Variants in ROBO2 observed in about 807,000 individuals in gnomAD.
The protein encoded by ROBO2 is roundabout guidance receptor 2, also known as roundabout homolog 2.
A neutral mutation model predicts 160.8 loss-of-function variants in ROBO2; 53 were observed. That is an observed-to-expected ratio of 0.33 (90% CI 0.26 to 0.41). The LOEUF is 0.41. Ranked by LOEUF, ROBO2 falls within the 10% of genes least tolerant of loss-of-function variation. The pLI, the probability that ROBO2 is intolerant of heterozygous loss-of-function variation, is 1.00. For synonymous variants in ROBO2, 664 were observed against 611.7 expected (o/e 1.09, Z -1.26); for missense variants, 1,577 against 1,722.4 (o/e 0.92, Z 1.49).
At chr3:77,453,824 T>C (rs2081348883) in intron 2 of ROBO2, among the ~76,000 whole-genome samples, 1 of 152,154 alleles carries the variant, frequency 6.6e-6, no homozygotes, top group Admixed American at 6.6e-5. Flanking sequence ...GGGATTAATT[T>C]TTATCAATTG....
chr3:76,942,535 C>T (rs1431362354), intron 2 of ROBO2, among the ~76,000 whole-genome samples: 1 of 152,166 alleles, frequency 6.6e-6, no homozygotes, highest in Non-Finnish European at 1.5e-5. Flanking sequence ...ATGCTGATGA[C>T]AGCTGCTCGT....
At chr3:76,434,298 C>A in intron 2 of ROBO2, 1 of 1,057,332 alleles carries the variant, frequency 9.5e-7, no homozygotes, top group Non-Finnish European at 1.5e-6. Flanking sequence ...AGATAATAAG[C>A]TTTCCAATTT....
chr3:76,410,384 A>C (rs1482224426), intron 2 of ROBO2, among the ~76,000 whole-genome samples: 2 of 152,120 alleles, frequency 1.3e-5, no homozygotes, highest in Admixed American at 1.3e-4. Flanking sequence ...ATGAGTACTA[A>C]AGGCATGCTT....
chr3:77,532,822 G>C (rs1402848107), intron 6 of ROBO2, among the ~76,000 whole-genome samples: 1 of 151,630 alleles, frequency 6.6e-6, no homozygotes, highest in East Asian at 1.9e-4. Context: ...TTTTAAAAGA[G>C]AGATTTCATT....
intron 2 of ROBO2, among the ~76,000 whole-genome samples, chr3:76,601,989 A>G (rs971217711): frequency 3.9e-5 from 6 of 152,122 alleles, no homozygotes; most frequent in African/African-American, 1.4e-4. Context: ...AACCTAACTC[A>G]TCTCTCTCAA....
chr3:77,607,872 A>G, exon 21 of ROBO2: 1 of 1,614,040 alleles, frequency 6.2e-7, no homozygotes, highest in South Asian at 1.1e-5. Context: ...CACTTGGGCC[A>G]ATGTCCCTCT....
chr3:77,501,957 A>C (rs2087677944), intron 5 of ROBO2, among the ~76,000 whole-genome samples: 1 of 152,146 alleles, frequency 6.6e-6, no homozygotes, highest in Non-Finnish European at 1.5e-5. Flanking sequence ...CCTTTCCCAT[A>C]AATATAATAT....
chr3:76,817,301 G>A (rs7618823), intron 2 of ROBO2, among the ~76,000 whole-genome samples: 118,020 of 151,962 alleles, frequency 0.78, 46,408 homozygotes, highest in East Asian at 0.86. Flanking sequence ...TATATTATCC[G>A]TTTATTAGGC....
intron 2 of ROBO2, among the ~76,000 whole-genome samples, chr3:77,175,705 T>G (rs1351289222): frequency 6.6e-6 from 1 of 151,968 alleles, no homozygotes. Context: ...GGGATAGTCA[T>G]AGATCAAGGC....
intron 2 of ROBO2, among the ~76,000 whole-genome samples, chr3:75,985,796 A>G (rs1286757945): frequency 1.3e-5 from 2 of 151,672 alleles, no homozygotes; most frequent in Non-Finnish European, 3.0e-5. Context: ...ATGAAATCAT[A>G]CAGCTTTGTC....
At chr3:76,567,481 A>G (rs969552654) in intron 2 of ROBO2, among the ~76,000 whole-genome samples, 3 of 150,912 alleles carry the variant, frequency 2.0e-5, no homozygotes, top group African/African-American at 7.3e-5. Flanking sequence ...TCCTTTACTT[A>G]GTAATTGAAA....
intron 2 of ROBO2, among the ~76,000 whole-genome samples, chr3:76,780,731 G>A (rs183832182): frequency 1.8e-4 from 27 of 150,798 alleles, no homozygotes; most frequent in African/African-American, 4.6e-4. Context: ...TTAGCTGACC[G>A]TATATGCATG....
chr3:76,118,546 A>C (rs1036235927), intron 2 of ROBO2, among the ~76,000 whole-genome samples: 8 of 152,282 alleles, frequency 5.3e-5, no homozygotes, highest in Admixed American at 3.3e-4. Context: ...TTAACATGAG[A>C]AGCATAGTAA....
chr3:76,077,467 G>A (rs1234643813), intron 2 of ROBO2, among the ~76,000 whole-genome samples: 2 of 152,142 alleles, frequency 1.3e-5, no homozygotes, highest in Admixed American at 1.3e-4. Flanking sequence ...GGAGGCTGAG[G>A]CAGGAGAATT....
chr3:77,498,872 T>G (rs184743403), intron 5 of ROBO2, among the ~76,000 whole-genome samples: 1 of 152,150 alleles, frequency 6.6e-6, no homozygotes, highest in Non-Finnish European at 1.5e-5. Flanking sequence ...ACTGGGCAAG[T>G]GAAATGGTCT....
At chr3:76,010,614 T>C (rs1290073211) in intron 2 of ROBO2, among the ~76,000 whole-genome samples, 1 of 152,274 alleles carries the variant, frequency 6.6e-6, no homozygotes, top group Non-Finnish European at 1.5e-5. Context: ...CCTGATTTAC[T>C]GTTTGCTGGA....
At chr3:76,213,443 T>C (rs560217416) in intron 2 of ROBO2, among the ~76,000 whole-genome samples, 7 of 152,298 alleles carry the variant, frequency 4.6e-5, no homozygotes, top group African/African-American at 1.4e-4. Flanking sequence ...CTCTTAGTGT[T>C]TATTTCTGAT....
In ROBO2 at chr3:76,101,981, G is replaced by A. The variant is rs547463684; in HGVS notation, c.109+164379G>A. Among the ~76,000 whole-genome samples, 24 of 148,322 alleles carry A rather than the reference G, an allele frequency of 1.6e-4. 1 individual carries two copies. Among genetic ancestry groups the A allele is most frequent in the African/African-American group, 5.9e-4 (23 of 39,062 alleles). ...TTCCCATTATACCCCGGGGTGTGAT[G>A]TTCCCCTTCCTGTGTCCATGTGTTC... On this transcript the variant is annotated intron_variant, in intron 2 of 26. Transcript: ENST00000487694.
In ROBO2 at chr3:77,644,638, G is replaced by C. The variant is rs1583487215; in HGVS notation, c.3935-66G>C. The C allele has an allele frequency of 5.8e-6, 8 of 1,377,716 alleles. 1 individual carries two copies. The South Asian group carries it at 8.2e-5, about 14-fold the overall frequency. The allele number at this position is 1,377,716 out of a possible 1,614,324, so 85.3% of individuals were successfully genotyped here. ...AGGCCATTCACAGTGTTATATTCAA[G>C]AGTTAAGTTTAGTTTGCCTCCATGT... On this transcript the variant is annotated intron_variant, in intron 24 of 25. Coordinates refer to ENST00000461745, the Ensembl canonical transcript of ROBO2.
Sources: allele counts gnomAD v4.1 joint callset (sites outside exome capture counted in the v4.1 genomes callset), GRCh38; gene constraint gnomAD v4.1.1; transcripts MANE v1.5; gene names NCBI Gene and HGNC (gene_info 2026-07-23, HGNC 2026-07-21).